URI1: variants seen among roughly 807,000 people sequenced by gnomAD.
URI1 encodes unconventional prefoldin RPB5 interactor 1.
A neutral mutation model predicts 60.2 loss-of-function variants in URI1; 39 were observed. That is an observed-to-expected ratio of 0.65 (90% CI 0.50 to 0.85). The LOEUF (loss-of-function observed/expected upper bound fraction) is 0.85. Ranked by LOEUF, URI1 falls within the 40% of genes least tolerant of loss-of-function variation. URI1 has a pLI of 0.00. For missense variants in URI1, 691 were observed against 665.9 expected (o/e 1.04, Z -0.42); for synonymous variants, 251 against 236.8 (o/e 1.06, Z -0.55).
At chr19:29,932,430 C>T (rs2054929230) in intron 1 of URI1, among the ~76,000 whole-genome samples, 3 of 152,118 alleles carry the variant, frequency 2.0e-5, no homozygotes, top group South Asian at 2.1e-4. Flanking sequence ...GACTCTCCTG[C>T]CTCAGCCTCC....
chr19:29,929,037 T>C (rs2054893810), intron 1 of URI1, among the ~76,000 whole-genome samples: 1 of 152,212 alleles, frequency 6.6e-6, no homozygotes, highest in South Asian at 2.1e-4. Flanking sequence ...ATTATCATGG[T>C]CACTAAACAC....
chr19:30,013,870 G>A (rs1372559358), intron 10 of URI1, among the ~76,000 whole-genome samples: 7 of 152,116 alleles, frequency 4.6e-5, no homozygotes, highest in Non-Finnish European at 1.0e-4. Flanking sequence ...CAAAAATAAT[G>A]TAGGAGAGAG....
At chr19:30,013,323 T>TACTAAACGTA (rs1444813220) in intron 10 of URI1, among the ~76,000 whole-genome samples, 30 of 152,228 alleles carry the variant, frequency 2.0e-4, no homozygotes, top group Non-Finnish European at 1.9e-4. Context: ...CCATTGCTTT[T>TACTAAACGTA]ACTAAATGGT....
chr19:29,965,083 C>T (rs2055376006), intron 1 of URI1, among the ~76,000 whole-genome samples: 1 of 152,004 alleles, frequency 6.6e-6, no homozygotes. Flanking sequence ...GTTTTGTTTT[C>T]TTGTACATTT....
intron 4 of URI1, among the ~76,000 whole-genome samples, chr19:29,987,181 C>G (rs566679850): frequency 6.6e-6 from 1 of 152,080 alleles, no homozygotes; most frequent in South Asian, 2.1e-4. Flanking sequence ...GTATAATATC[C>G]GCCCTACCTG....
At chr19:29,981,933 A>G (rs2055603374) in intron 2 of URI1, among the ~76,000 whole-genome samples, 1 of 152,240 alleles carries the variant, frequency 6.6e-6, no homozygotes, top group Non-Finnish European at 1.5e-5. Flanking sequence ...AACCTCAGTA[A>G]TGCATTAGTT....
chr19:29,947,186 G>T (rs2055112997), intron 1 of URI1, among the ~76,000 whole-genome samples: 1 of 152,232 alleles, frequency 6.6e-6, no homozygotes, highest in African/African-American at 2.4e-5. Flanking sequence ...TTTCATATTT[G>T]TGAGATGGGA....
In URI1 at chr19:30,001,279, T is replaced by C. The variant is rs150620461; in HGVS notation, c.368-4082T>C. On this transcript the variant is annotated intron_variant, in intron 4 of 10. Coordinates refer to ENST00000392271, the MANE Select transcript of URI1 (RefSeq NM_003796.3). ...GGCAAGGTTTGTTGACTGATAGGTA[T>C]TTTTTGTAGGGATTTAAGGTAGCAA... Among the ~76,000 whole-genome samples, 314 of 151,994 alleles carry C rather than the reference T, an allele frequency of 2.1e-3. 3 individuals carry two copies. Among genetic ancestry groups the C allele is most frequent in the African/African-American group, 7.3e-3 (304 of 41,510 alleles).
At chr19:29,926,291 C>CCTTCCTTCTTTCCTACCT (rs1491264929) in intron 1 of URI1, among the ~76,000 whole-genome samples, 3 of 127,248 alleles carry the variant, frequency 2.4e-5, no homozygotes, top group African/African-American at 6.8e-5. Flanking sequence ...TTCCTACCTT[C>CCTTCCTTCTTTCCTACCT]TTTCCTTCAA....
At chr19:29,939,325 A>G (rs1200511305), upstream of URI1, among the ~76,000 whole-genome samples, 2 of 144,640 alleles carry the variant, frequency 1.4e-5, no homozygotes, top group African/African-American at 5.2e-5. Context: ...CCCAGGCAGG[A>G]GTGCAGTGGC....
chr19:29,935,778 CT>C, intron 1 of URI1, among the ~76,000 whole-genome samples: 1 of 132,284 alleles, frequency 7.6e-6, no homozygotes, highest in East Asian at 2.4e-4. Context: ...CTTTTCTTTT[CT>C]TTTCTTTTCT....
At chr19:30,003,294 A>G (rs1390559477) in intron 4 of URI1, among the ~76,000 whole-genome samples, 2 of 151,948 alleles carry the variant, frequency 1.3e-5, no homozygotes, top group African/African-American at 2.4e-5. Flanking sequence ...AATTTTCTGT[A>G]TAGCTATCTA....
rs182305550 is a variant in URI1 at position 29,981,214 on chromosome 19, A to G, written c.153-4009A>G. Among the ~76,000 whole-genome samples, 18 of 152,236 alleles carry G rather than the reference A, an allele frequency of 1.2e-4. No individual in the cohort carries two copies. In the East Asian group the frequency reaches 3.3e-3, roughly 28 times the overall value. On this transcript the variant is annotated intron_variant, in intron 2 of 10. Transcript: ENST00000392271. The stretch of plus-strand genomic sequence containing the variant: ...TATTCTATTATGACAAATTTCAAAC[A>G]TATGGAAGAGTGAATCTTGATCACC...
intron 1 of URI1, among the ~76,000 whole-genome samples, chr19:29,962,087 T>C (rs1419028876): frequency 6.6e-6 from 1 of 152,226 alleles, no homozygotes; most frequent in Admixed American, 6.5e-5. Flanking sequence ...CTCCGGTGAC[T>C]GTACCATTTT....
intron 1 of URI1, among the ~76,000 whole-genome samples, chr19:29,936,717 G>T (rs144838419): frequency 1.2e-4 from 18 of 152,108 alleles, no homozygotes; most frequent in African/African-American, 4.3e-4. Context: ...ATATATGCTT[G>T]ATGGCATCAC....
intron 4 of URI1, among the ~76,000 whole-genome samples, chr19:29,995,951 C>G (rs953159281): frequency 3.3e-5 from 5 of 151,970 alleles, no homozygotes; most frequent in Non-Finnish European, 7.4e-5. Context: ...GCTTTGTATT[C>G]TATTTTTTGG....
intron 1 of URI1, chr19:29,956,723 T>C: frequency 6.4e-7 from 1 of 1,557,346 alleles, no homozygotes; most frequent in Non-Finnish European, 8.9e-7. Context: ...CATCTTGTAA[T>C]GGAAGCCCAG....
intron 1 of URI1, among the ~76,000 whole-genome samples, chr19:29,964,459 G>GTTTTTTTTTTTTTT (rs202018051): frequency 1.4e-4 from 19 of 133,334 alleles, no homozygotes; most frequent in African/African-American, 3.1e-4. Flanking sequence ...TTTGTTTTTT[G>GTTTTTTTTTTTTTT]TTTTGTTTTT....
chr19:30,007,725 T>C (rs570544772), intron 7 of URI1, 87 bp downstream of exon 7: 25 of 1,210,824 alleles, frequency 2.1e-5, no homozygotes, highest in Middle Eastern at 2.0e-4. Context: ...TAAAATAATA[T>C]GTGTTCATTG....
Sources: allele counts gnomAD v4.1 joint callset (sites outside exome capture counted in the v4.1 genomes callset), GRCh38; gene constraint gnomAD v4.1.1; transcripts MANE v1.5; gene names NCBI Gene and HGNC (gene_info 2026-07-23, HGNC 2026-07-21).